Variants in LRRC49 observed in about 807,000 individuals in gnomAD.
LRRC49 encodes leucine-rich repeat-containing protein 49.
Under a neutral mutation model 83.3 loss-of-function variants are expected in LRRC49, and 50 were observed. The observed-to-expected ratio is 0.60, with a 90% CI of 0.48 to 0.76. The LOEUF (loss-of-function observed/expected upper bound fraction) is 0.76. Among genes scored for constraint, LRRC49 ranks in the 30% least tolerant of loss-of-function variants. LRRC49 has a pLI of 0.00. For synonymous variants in LRRC49, 286 were observed against 283.3 expected (o/e 1.01, Z -0.10); for missense variants, 704 against 809.1 (o/e 0.87, Z 1.58).
chr15:70,967,267 T>C (rs2036826139), intron 9 of LRRC49, among the ~76,000 whole-genome samples: 2 of 152,114 alleles, frequency 1.3e-5, no homozygotes. Context: ...TATATCATAA[T>C]AAGGAGTTTA....
intron 15 of LRRC49, chr15:71,048,978 T>C (rs1225652922): frequency 7.9e-6 from 3 of 377,818 alleles, no homozygotes; most frequent in Non-Finnish European, 1.6e-5. Context: ...AGAGTATACA[T>C]ACTTAAAGTA....
chr15:71,012,337 A>T (rs1397113011), intron 13 of LRRC49, among the ~76,000 whole-genome samples: 1 of 152,082 alleles, frequency 6.6e-6, no homozygotes, highest in Admixed American at 6.6e-5. Flanking sequence ...AATTCAGTGA[A>T]AGTTCCATCT....
chr15:70,914,949 G>A (rs1038383877), intron 6 of LRRC49, among the ~76,000 whole-genome samples: 2 of 152,294 alleles, frequency 1.3e-5, no homozygotes, highest in Admixed American at 1.3e-4. Flanking sequence ...TTTCCTAGAT[G>A]TATTAAGAAG....
At chr15:70,985,802 T>C (rs1250492237) in intron 11 of LRRC49, among the ~76,000 whole-genome samples, 2 of 148,630 alleles carry the variant, frequency 1.3e-5, no homozygotes, top group Non-Finnish European at 3.0e-5. Flanking sequence ...GAATTAATTT[T>C]TGTATAAGGT....
chr15:70,989,210 T>A (rs569870762), intron 11 of LRRC49, among the ~76,000 whole-genome samples: 36 of 152,336 alleles, frequency 2.4e-4, no homozygotes, highest in Non-Finnish European at 4.9e-4. Flanking sequence ...AAAGTTCTCC[T>A]GGATAATATC....
intron 15 of LRRC49, among the ~76,000 whole-genome samples, chr15:71,038,245 T>G (rs2039586540): frequency 6.6e-6 from 1 of 152,190 alleles, no homozygotes; most frequent in Admixed American, 6.5e-5. Flanking sequence ...TATATAGATA[T>G]AACATTTAGA....
At chr15:70,973,988 A>G (rs900426661) in intron 9 of LRRC49, among the ~76,000 whole-genome samples, 3 of 152,082 alleles carry the variant, frequency 2.0e-5, no homozygotes, top group East Asian at 3.9e-4. Context: ...TTAGCTGGGC[A>G]TGGTGGTGCG....
chr15:70,990,817 G>A (rs2037850331), intron 11 of LRRC49, among the ~76,000 whole-genome samples: 3 of 152,152 alleles, frequency 2.0e-5, no homozygotes, highest in Admixed American at 2.0e-4. Context: ...GTGTTTTTCT[G>A]CCCTAACACC....
At chr15:70,901,979 T>G (rs915674396) in intron 4 of LRRC49, among the ~76,000 whole-genome samples, 3 of 152,194 alleles carry the variant, frequency 2.0e-5, no homozygotes, top group Non-Finnish European at 2.9e-5. Context: ...AGCTTAGCAG[T>G]GCACACCTGA....
intron 9 of LRRC49, among the ~76,000 whole-genome samples, chr15:70,978,887 G>C (rs1364465304): frequency 6.6e-6 from 1 of 152,098 alleles, no homozygotes; most frequent in African/African-American, 2.4e-5. Context: ...CTCTTCAGCT[G>C]TGTATAATCT....
chr15:71,021,095 T>C (rs1187874442), intron 14 of LRRC49, among the ~76,000 whole-genome samples: 3 of 152,272 alleles, frequency 2.0e-5, no homozygotes, highest in South Asian at 2.1e-4. Context: ...GTTTACAAAT[T>C]TATGTTGGGC....
At chr15:70,873,374 G>GA in intron 2 of LRRC49, among the ~76,000 whole-genome samples, 1 of 152,290 alleles carries the variant, frequency 6.6e-6, no homozygotes, top group East Asian at 1.9e-4. Flanking sequence ...GAGGGAACAG[G>GA]AAAATAGTGA....
intron 10 of LRRC49, among the ~76,000 whole-genome samples, chr15:70,983,698 T>C (rs2037487468): frequency 6.6e-6 from 1 of 152,168 alleles, no homozygotes; most frequent in Non-Finnish European, 1.5e-5. Context: ...AAAATATCAT[T>C]AGTTTTTTCT....
At chr15:70,860,247 G>A in intron 1 of LRRC49, 1 of 604,260 alleles carries the variant, frequency 1.7e-6, no homozygotes, top group East Asian at 2.8e-5. Flanking sequence ...GTATCACAGG[G>A]AACAGGAGAC....
chr15:71,010,264 TG>T (rs939223684), intron 13 of LRRC49, among the ~76,000 whole-genome samples: 1 of 151,924 alleles, frequency 6.6e-6, no homozygotes, highest in Non-Finnish European at 1.5e-5. Flanking sequence ...AATAAAATGG[TG>T]GGGTGACAGT....
At chr15:70,975,240 C>T (rs1045919622) in intron 9 of LRRC49, among the ~76,000 whole-genome samples, 3 of 152,048 alleles carry the variant, frequency 2.0e-5, no homozygotes, top group Admixed American at 1.3e-4. Flanking sequence ...GAAGATATCC[C>T]AGTGATCTTC....
intron 15 of LRRC49, among the ~76,000 whole-genome samples, chr15:71,039,907 C>T (rs533161733): frequency 2.0e-5 from 3 of 152,120 alleles, no homozygotes; most frequent in Non-Finnish European, 2.9e-5. Context: ...AAGGAAAACT[C>T]TTCCATGTTT....
At chr15:70,887,800 A>G (rs1305128481), upstream of LRRC49, among the ~76,000 whole-genome samples, 1 of 152,216 alleles carries the variant, frequency 6.6e-6, no homozygotes, top group Non-Finnish European at 1.5e-5. Context: ...TTCTCAGATG[A>G]TATTTTTGTA....
intron 1 of LRRC49, among the ~76,000 whole-genome samples, chr15:70,863,501 T>C (rs1251928973): frequency 6.6e-6 from 1 of 152,230 alleles, no homozygotes; most frequent in Non-Finnish European, 1.5e-5. Flanking sequence ...GCCCAAACTA[T>C]GACCTCTGCT....
Sources: gnomAD v4.1 joint callset for allele counts (sites outside exome capture counted in the v4.1 genomes callset) on GRCh38, gnomAD v4.1.1 for gene constraint, MANE v1.5 for transcripts, NCBI Gene and HGNC (gene_info 2026-07-23, HGNC 2026-07-21) for gene names.